The following GRIK2 variants were observed in gnomAD, a reference collection of about 807,000 sequenced individuals.
The protein encoded by GRIK2 is glutamate receptor ionotropic, kainate 2.
Under a neutral mutation model 100.3 loss-of-function variants are expected in GRIK2, and 32 were observed. That is an observed-to-expected ratio of 0.32 (90% CI 0.24 to 0.43). The LOEUF is 0.43. GRIK2 is among the 20% of genes least tolerant of loss of function. The probability of loss-of-function intolerance (pLI) is 1.00; values close to 1 mark genes in which losing one functional copy is unlikely to be tolerated. For missense variants in GRIK2, 843 were observed against 1,114.9 expected (o/e 0.76, Z 3.47); for synonymous variants, 417 against 389.4 (o/e 1.07, Z -0.83).
At chr6:101,416,381 C>G (rs901259674) in intron 2 of GRIK2, among the ~76,000 whole-genome samples, 2 of 152,170 alleles carry the variant, frequency 1.3e-5, no homozygotes, top group African/African-American at 4.8e-5. Flanking sequence ...TGCTTGCTTC[C>G]TGGGATGTCT....
In GRIK2 at chr6:101,797,852, T is replaced by A. The variant is rs1213408060; in HGVS notation, c.952-1796T>A. On this transcript the variant is annotated intron_variant, in intron 7 of 16. Transcript: ENST00000369134. ...ACCATTATTTATACATTTATATATA[T>A]AAAATGATTTATGCTGGAAATGCAG... Among the ~76,000 whole-genome samples, 9 of 148,634 alleles carry A rather than the reference T, an allele frequency of 6.1e-5. No homozygotes were observed. In the East Asian group the frequency reaches 1.6e-3, roughly 26 times the overall value.
chr6:101,889,661 C>G lies in GRIK2; in HGVS notation c.1546C>G (p.Pro516Ala). ...ACAGAAAGCTGACCTTGCAGTTGCTCCACTGGCTATTACCTATGTTCGAGA... is the reference window on the plus strand; with the variant it reads ...ACAGAAAGCTGACCTTGCAGTTGCTGCACTGGCTATTACCTATGTTCGAGA... ...IDHKADLAVA[P>A]LAITYVREKV... The change falls in exon 12 of 17, where the codon CCA becomes GCA. Residue 516 changes from proline to alanine, a missense_variant. Physicochemically the swap from Pro to Ala is conservative, Grantham distance 27. This residue lies in a region of GRIK2 where 519 missense variants were observed against 643.8 expected (regional missense o/e 0.81). Transcript: ENST00000369134. 1 of 1,577,446 alleles carries G rather than the reference C, an allele frequency of 6.3e-7. No homozygotes were observed. Among genetic ancestry groups the G allele is most frequent in the Non-Finnish European group, 8.6e-7 (1 of 1,157,448 alleles).
chr6:102,060,939 T>C (rs1771720091), intron 16 of GRIK2, among the ~76,000 whole-genome samples: 2 of 150,820 alleles, frequency 1.3e-5, no homozygotes, highest in South Asian at 4.1e-4. Flanking sequence ...AGTTAAAAAG[T>C]ATAAATAAAC....
chr6:101,628,823 TATTA>T (rs1270685102), intron 4 of GRIK2, among the ~76,000 whole-genome samples: 8 of 152,150 alleles, frequency 5.3e-5, no homozygotes, highest in African/African-American at 1.2e-4. Context: ...TGATATTTTG[TATTA>T]ATTATCATCC....
chr6:101,407,109 G>A (rs1303323927), intron 2 of GRIK2, among the ~76,000 whole-genome samples: 1 of 152,044 alleles, frequency 6.6e-6, no homozygotes, highest in Non-Finnish European at 1.5e-5. Flanking sequence ...TATATTCATA[G>A]CTATTTGGTC....
chr6:101,440,079 A>G (rs958588504), intron 2 of GRIK2, among the ~76,000 whole-genome samples: 4 of 152,198 alleles, frequency 2.6e-5, no homozygotes, highest in Non-Finnish European at 5.9e-5. Flanking sequence ...AATGGAAGAC[A>G]TAACACAATT....
chr6:101,598,317 T>C (rs1779024899), intron 2 of GRIK2, among the ~76,000 whole-genome samples: 2 of 151,558 alleles, frequency 1.3e-5, no homozygotes, highest in African/African-American at 4.8e-5. Flanking sequence ...TTGTCTTTCC[T>C]TTGTCTCAAC....
At chr6:101,530,405 C>A (rs1457537116) in intron 2 of GRIK2, among the ~76,000 whole-genome samples, 1 of 151,302 alleles carries the variant, frequency 6.6e-6, no homozygotes, top group African/African-American at 2.4e-5. Flanking sequence ...ACATTCTGAA[C>A]AATATTTAAA....
intron 10 of GRIK2, among the ~76,000 whole-genome samples, chr6:101,829,608 A>G (rs1186313500): frequency 6.6e-6 from 1 of 151,948 alleles, no homozygotes; most frequent in African/African-American, 2.4e-5. Context: ...TAGCATTCAG[A>G]CTGAGACCCA....
At chr6:102,038,463 A>T (rs898116999) in intron 15 of GRIK2, among the ~76,000 whole-genome samples, 1 of 140,314 alleles carries the variant, frequency 7.1e-6, no homozygotes, top group Non-Finnish European at 1.6e-5. Flanking sequence ...TGTCTGGATA[A>T]GGGCAGAGAT....
At chr6:101,684,133 T>C (rs1261248091) in intron 6 of GRIK2, among the ~76,000 whole-genome samples, 1 of 152,210 alleles carries the variant, frequency 6.6e-6, no homozygotes, top group Non-Finnish European at 1.5e-5. Flanking sequence ...CATATCTCTA[T>C]ATTATTTCCT....
chr6:102,023,337 G>A (rs1411300254), intron 14 of GRIK2, among the ~76,000 whole-genome samples: 4 of 151,334 alleles, frequency 2.6e-5, no homozygotes, highest in African/African-American at 7.3e-5. Flanking sequence ...AGTAAAAAGG[G>A]AGGGGTAAAA....
At chr6:102,067,842 T>C (rs926277931) in intron 16 of GRIK2, among the ~76,000 whole-genome samples, 9 of 151,902 alleles carry the variant, frequency 5.9e-5, no homozygotes, top group Non-Finnish European at 1.0e-4. Context: ...GAAATTGTTT[T>C]CCATATTTTA....
intron 2 of GRIK2, among the ~76,000 whole-genome samples, chr6:101,455,515 A>G (rs1432193761): frequency 6.6e-6 from 1 of 152,026 alleles, no homozygotes. Flanking sequence ...AGCAGGCTAC[A>G]TTATTAATAG....
chr6:101,944,648 T>G (rs1791161680), intron 14 of GRIK2, among the ~76,000 whole-genome samples: 2 of 152,044 alleles, frequency 1.3e-5, no homozygotes, highest in Non-Finnish European at 1.5e-5. Context: ...TGTGCTAATA[T>G]CACACTGAAC....
intron 14 of GRIK2, among the ~76,000 whole-genome samples, chr6:101,989,209 G>A (rs557597324): frequency 1.3e-5 from 2 of 151,546 alleles, no homozygotes; most frequent in South Asian, 4.2e-4. Flanking sequence ...CATTTAGTAT[G>A]CATATTTACT....
intron 7 of GRIK2, among the ~76,000 whole-genome samples, chr6:101,792,206 C>T (rs1016113257): frequency 3.3e-5 from 5 of 151,448 alleles, no homozygotes; most frequent in Non-Finnish European, 7.4e-5. Context: ...AGCCCATTTA[C>T]ATTTAAAGTT....
At chr6:101,595,706 G>GTATATATATATATATATATA (rs1417393124) in intron 2 of GRIK2, among the ~76,000 whole-genome samples, 5 of 125,426 alleles carry the variant, frequency 4.0e-5, no homozygotes, top group African/African-American at 1.6e-4. Context: ...ATATGTGTGT[G>GTATATATATATATATATATA]TGTGTGTGTG....
chr6:101,795,599 A>C (rs2128411196), intron 7 of GRIK2, among the ~76,000 whole-genome samples: 1 of 152,320 alleles, frequency 6.6e-6, no homozygotes, highest in Middle Eastern at 3.4e-3. Context: ...GCATGGCATG[A>C]GAAATAGCAG....
Sources: allele counts gnomAD v4.1 joint callset (sites outside exome capture counted in the v4.1 genomes callset), GRCh38; gene constraint gnomAD v4.1.1; regional missense constraint gnomAD v4.1.1; transcripts MANE v1.5; gene names NCBI Gene and HGNC (gene_info 2026-07-23, HGNC 2026-07-21).